The following MON2 variants were observed in gnomAD, a reference collection of about 807,000 sequenced individuals.
MON2 encodes protein MON2 homolog.
In MON2, 84 loss-of-function variants were observed where a neutral mutation model predicts 208.6. The observed-to-expected ratio is 0.40, with a 90% CI of 0.34 to 0.48. The LOEUF (loss-of-function observed/expected upper bound fraction) is 0.48. MON2 is among the 20% of genes least tolerant of loss of function. MON2 has a pLI of 0.59. For synonymous variants in MON2, 660 were observed against 694.0 expected, an observed-to-expected ratio of 0.95 and a Z score of 0.77; for missense variants, 1,611 against 2,015.4, an observed-to-expected ratio of 0.80 and a Z score of 3.84.
chr12:62,521,583 G>T (rs933774701), intron 8 of MON2, among the ~76,000 whole-genome samples: 5 of 152,194 alleles, frequency 3.3e-5, no homozygotes, highest in Admixed American at 1.3e-4. Context: ...GTGCTTCCCA[G>T]TATTCACCAG....
chr12:62,543,475 T>C (rs913416136), intron 20 of MON2, among the ~76,000 whole-genome samples: 2 of 152,220 alleles, frequency 1.3e-5, no homozygotes, highest in African/African-American at 4.8e-5. Context: ...CTTTCTTTTA[T>C]CATACAGTCT....
chr12:62,507,719 T>A (rs1487729904), intron 7 of MON2, among the ~76,000 whole-genome samples: 1 of 152,184 alleles, frequency 6.6e-6, no homozygotes, highest in African/African-American at 2.4e-5. Flanking sequence ...CATTAAATGT[T>A]CCTTTTAAAC....
chr12:62,534,635 A>AT (rs1159009955), intron 12 of MON2, among the ~76,000 whole-genome samples: 2 of 144,336 alleles, frequency 1.4e-5, no homozygotes, highest in Non-Finnish European at 3.0e-5. Context: ...ACAACAACTT[A>AT]TTTTTAAGAC....
At chr12:62,476,971 C>T (rs1465187341) in intron 1 of MON2, among the ~76,000 whole-genome samples, 1 of 152,126 alleles carries the variant, frequency 6.6e-6, no homozygotes, top group African/African-American at 2.4e-5. Flanking sequence ...GCCTGGGCAA[C>T]ATAGCAAGAC....
chr12:62,519,220 C>A (rs1473693539), intron 8 of MON2, among the ~76,000 whole-genome samples: 1 of 152,158 alleles, frequency 6.6e-6, no homozygotes, highest in Admixed American at 6.5e-5. Context: ...GACGCCCTGG[C>A]TGTCTGCCAC....
chr12:62,591,181 G>A (rs1421202937), intron 34 of MON2, among the ~76,000 whole-genome samples: 1 of 152,166 alleles, frequency 6.6e-6, no homozygotes, highest in Admixed American at 6.5e-5. Context: ...TTCTTAGACA[G>A]TGGCTTTTTG....
In MON2 at chr12:62,471,680, G is replaced by A. The variant is rs550834551; in HGVS notation, c.111+4362G>A. On this transcript the variant is annotated intron_variant, in intron 1 of 34. Coordinates refer to ENST00000393630, the MANE Select transcript of MON2 (RefSeq NM_015026.3). ...GTGTGTGTATAGAGTGAGAATATCA[G>A]GACTGGAAAAGGAACTGTGGGAAAC... 2.5e-4 allele frequency among the ~76,000 whole-genome samples: 38 copies of A among 152,246 alleles called. No individual in the cohort carries two copies. In the South Asian group the frequency reaches 5.4e-3, roughly 22 times the overall value.
At chr12:62,530,466 C>T (rs983130440) in intron 11 of MON2, among the ~76,000 whole-genome samples, 175 of 151,988 alleles carry the variant, frequency 1.2e-3, no homozygotes, top group African/African-American at 4.1e-3. Flanking sequence ...CTCCTGACCT[C>T]GTGATCCACC....
At chr12:62,562,626 A>T (rs1364037126) in intron 26 of MON2, among the ~76,000 whole-genome samples, 2 of 151,942 alleles carry the variant, frequency 1.3e-5, no homozygotes, top group African/African-American at 4.8e-5. Context: ...GTGTTTTTAT[A>T]TTTTTTTCCA....
Position 62,556,203 on chromosome 12 carries a change from A to AT in MON2, c.3409+18dup. On this transcript the variant is annotated intron_variant, in intron 25 of 34. Coordinates refer to ENST00000393630, the MANE Select transcript of MON2 (RefSeq NM_015026.3). The stretch of plus-strand genomic sequence containing the variant: ...TGCTGCAGCCTTTAGGTATACGTAC[A>AT]TTTTTTTCTGATTATACAAGTAATT... The AT allele has an allele frequency of 6.2e-7, 1 of 1,611,210 alleles. No homozygotes were observed. Among genetic ancestry groups the AT allele is most frequent in the Non-Finnish European group, 8.5e-7 (1 of 1,178,548 alleles).
At chr12:62,485,113 A>G (rs1171839309) in intron 2 of MON2, among the ~76,000 whole-genome samples, 8 of 152,126 alleles carry the variant, frequency 5.3e-5, no homozygotes, top group South Asian at 4.1e-4. Context: ...TCAGGAGCCC[A>G]TGTTCTTCCT....
At position 62,493,938 on chromosome 12, in the gene MON2, G is replaced by A. The variant is rs1592861230; in HGVS notation, c.199G>A (p.Val67Ile). ...LAALKENSSE[V>I]VQPFLMGCGT... Reference sequence around the variant, plus strand: ...AGCACTGAAAGAGAACAGCTCAGAGGTTGTACAGCCTTTTTTAATGGGTTG... The same window carrying A: ...AGCACTGAAAGAGAACAGCTCAGAGATTGTACAGCCTTTTTTAATGGGTTG... The change falls in exon 3 of 35, where the codon GTT becomes ATT. Residue 67 changes from valine (V) to isoleucine (I), a missense_variant. Val to Ile is a conservative substitution (Grantham distance 29). Transcript: ENST00000393630. 2 of 1,607,806 alleles carry A rather than the reference G, an allele frequency of 1.2e-6. No homozygotes were observed. The highest frequency in any genetic ancestry group is 2.7e-5 in the African/African-American group (2 of 74,778).
Position 62,565,258 on chromosome 12 carries a change from A to G in MON2, c.4054A>G (p.Asn1352Asp). 3 of 1,612,732 alleles carry G rather than the reference A, an allele frequency of 1.9e-6. No homozygotes were observed. The highest frequency in any genetic ancestry group is 2.5e-6 in the Non-Finnish European group (3 of 1,179,288). ...ATAGGCCATTTGTGTAGGACCAGAA[A>G]ACATGCAGATAATGTATCCAGCTAT... ...LQKAICVGPE[N>D]MQIMYPAIFD... Residue 1352 changes from asparagine (N) to aspartate (D), a missense_variant, in exon 27 of 35, where the codon AAC becomes GAC. Coordinates refer to ENST00000393630, the MANE Select transcript of MON2 (RefSeq NM_015026.3).
intron 26 of MON2, among the ~76,000 whole-genome samples, chr12:62,562,408 C>T (rs1444797887): frequency 6.6e-6 from 1 of 151,448 alleles, no homozygotes; most frequent in Non-Finnish European, 1.5e-5. Flanking sequence ...GTAATTTGTT[C>T]AGAGCTTTTA....
At chr12:62,516,027 T>C (rs566172445) in intron 8 of MON2, among the ~76,000 whole-genome samples, 5 of 152,146 alleles carry the variant, frequency 3.3e-5, no homozygotes, top group East Asian at 1.9e-4. Flanking sequence ...AAAGTATCCA[T>C]TGACAGATGA....
At position 62,561,042 on chromosome 12, in the gene MON2, C is replaced by G. The variant is rs1328714247; in HGVS notation, c.3961C>G (p.Pro1321Ala). ...TTCAGATGCATCCCCTTTTATTCTT[C>G]CATCTTATACCGAAGCAGTTTTGAC... is the stretch of plus-strand genomic sequence containing the variant. ...ISSDASPFIL[P>A]SYTEAVLTSL... The change falls in exon 26 of 35, where the codon CCA becomes GCA. Residue 1321 changes from proline to alanine, a missense_variant. Transcript: ENST00000393630. The G allele has an allele frequency of 1.2e-6, 2 of 1,612,752 alleles. No homozygotes were observed. The highest frequency in any genetic ancestry group is 1.3e-5 in the African/African-American group (1 of 74,874).
chr12:62,561,242 T>A, intron 26 of MON2, 129 bp downstream of exon 26: 1 of 719,864 alleles, frequency 1.4e-6, no homozygotes, highest in Non-Finnish European at 2.1e-6. Context: ...TGGGATAAAC[T>A]GAGGATTGTC....
Position 62,533,420 on chromosome 12 carries a change from T to G in MON2, c.1633+750T>G, listed in dbSNP as rs191385612. On this transcript the variant is annotated intron_variant, in intron 12 of 34. Coordinates refer to ENST00000393630, the MANE Select transcript of MON2 (RefSeq NM_015026.3). ...CTGCATTTTTTTATTTTTTAAAAAT[T>G]ATTCACTTATATTAGTGTAGATTCA... Among the ~76,000 whole-genome samples, 9 of 152,348 alleles carry G rather than the reference T, an allele frequency of 5.9e-5. No individual in the cohort carries two copies. In the East Asian group the frequency reaches 1.7e-3, roughly 29 times the overall value.
intron 8 of MON2, chr12:62,508,860 T>G (rs1035607276): frequency 6.0e-6 from 1 of 165,364 alleles, no homozygotes; most frequent in Non-Finnish European, 1.3e-5. Flanking sequence ...AGCAAAGACA[T>G]TAAAGATTTG....
Sources: gnomAD v4.1 joint callset for allele counts (sites outside exome capture counted in the v4.1 genomes callset) on GRCh38, gnomAD v4.1.1 for gene constraint, MANE v1.5 for transcripts, NCBI Gene and HGNC (gene_info 2026-07-23, HGNC 2026-07-21) for gene names.